Variants in NLGN1 observed in about 807,000 individuals in gnomAD.
NLGN1 encodes the protein neuroligin-1.
In NLGN1, 12 loss-of-function variants were observed where a neutral mutation model predicts 65.5. The ratio of observed to expected loss-of-function variants is 0.18; its 90% confidence interval spans 0.12 to 0.30. The LOEUF is 0.30. Ranked by LOEUF, NLGN1 falls within the 10% of genes least tolerant of loss-of-function variation. The pLI, the probability that NLGN1 is intolerant of heterozygous loss-of-function variation, is 1.00. For synonymous variants in NLGN1, 350 were observed against 359.5 expected, an observed-to-expected ratio of 0.97 and a Z score of 0.30; for missense variants, 750 against 1,007.1, an observed-to-expected ratio of 0.74 and a Z score of 3.46.
intron 4 of NLGN1, among the ~76,000 whole-genome samples, chr3:173,965,395 G>A (rs781540075): frequency 2.0e-5 from 3 of 151,798 alleles, no homozygotes; most frequent in Admixed American, 1.3e-4. Context: ...TTGGCTCACT[G>A]CAGGCTCCAC....
At chr3:174,154,773 A>G (rs930744267) in intron 4 of NLGN1, among the ~76,000 whole-genome samples, 3 of 150,566 alleles carry the variant, frequency 2.0e-5, no homozygotes, top group Admixed American at 1.3e-4. Flanking sequence ...ATTTATATAC[A>G]TGCATGTGTA....
At chr3:173,585,656 G>C (rs1007456287) in intron 2 of NLGN1, among the ~76,000 whole-genome samples, 3 of 152,196 alleles carry the variant, frequency 2.0e-5, no homozygotes, top group Non-Finnish European at 4.4e-5. Context: ...CTTTCTTCGA[G>C]TTGGAGCAGC....
At chr3:173,711,598 A>G (rs1769003086) in intron 3 of NLGN1, among the ~76,000 whole-genome samples, 1 of 152,192 alleles carries the variant, frequency 6.6e-6, no homozygotes, top group African/African-American at 2.4e-5. Context: ...GCTTGGCTCC[A>G]GTCAGCCAAG....
chr3:173,803,018 T>C (rs906166990), intron 3 of NLGN1, among the ~76,000 whole-genome samples: 2 of 151,964 alleles, frequency 1.3e-5, no homozygotes, highest in African/African-American at 4.8e-5. Flanking sequence ...AATTTTTTGC[T>C]TTTAGTAGAG....
At chr3:173,964,224 G>A (rs1714286655) in intron 4 of NLGN1, among the ~76,000 whole-genome samples, 2 of 152,170 alleles carry the variant, frequency 1.3e-5, no homozygotes, top group Non-Finnish European at 2.9e-5. Context: ...TCAACAAGAT[G>A]TCCTGGAAGG....
chr3:173,787,077 CAA>C (rs5854539), intron 3 of NLGN1, among the ~76,000 whole-genome samples: 210 of 143,186 alleles, frequency 1.5e-3, no homozygotes, highest in Non-Finnish European at 1.3e-3. Flanking sequence ...AACTCCGTCT[CAA>C]AAAAAAAAAA....
At chr3:173,666,606 A>G (rs1761732083) in intron 3 of NLGN1, among the ~76,000 whole-genome samples, 1 of 152,170 alleles carries the variant, frequency 6.6e-6, no homozygotes, top group South Asian at 2.1e-4. Flanking sequence ...CCATTCCCTA[A>G]CAGGGACTCT....
intron 1 of NLGN1, among the ~76,000 whole-genome samples, chr3:173,411,303 A>G (rs1469032562): frequency 6.6e-6 from 1 of 152,198 alleles, no homozygotes; most frequent in Non-Finnish European, 1.5e-5. Context: ...TAGGACTTAC[A>G]TTGAAAGAGT....
intron 4 of NLGN1, among the ~76,000 whole-genome samples, chr3:174,196,880 T>C (rs1016518269): frequency 2.6e-5 from 4 of 152,212 alleles, no homozygotes; most frequent in Admixed American, 2.6e-4. Context: ...ACATCAACTC[T>C]GTAAGAACCA....
chr3:173,400,355 A>C (rs1717439381), intron 1 of NLGN1, among the ~76,000 whole-genome samples: 1 of 152,150 alleles, frequency 6.6e-6, no homozygotes, highest in African/African-American at 2.4e-5. Context: ...AATGCCACTC[A>C]ATGCTTTTCA....
chr3:173,981,174 A>G (rs1343866833), intron 4 of NLGN1, among the ~76,000 whole-genome samples: 4 of 152,134 alleles, frequency 2.6e-5, no homozygotes, highest in Non-Finnish European at 5.9e-5. Flanking sequence ...TGGGAATAAG[A>G]ATAACAACAG....
chr3:174,197,071 C>CTCTA (rs10663332), intron 4 of NLGN1, among the ~76,000 whole-genome samples: 14,038 of 152,134 alleles, frequency 0.092, 1,340 homozygotes, highest in African/African-American at 0.24. Flanking sequence ...GCAAAAATAT[C>CTCTA]TCTATCTTTT....
At chr3:173,414,642 G>C (rs751225830) in intron 1 of NLGN1, among the ~76,000 whole-genome samples, 1 of 151,108 alleles carries the variant, frequency 6.6e-6, no homozygotes, top group Non-Finnish European at 1.5e-5. Context: ...TACTGAGGAA[G>C]GGATCTACAG....
At chr3:173,581,494 G>A (rs924695195) in intron 2 of NLGN1, among the ~76,000 whole-genome samples, 1 of 151,962 alleles carries the variant, frequency 6.6e-6, no homozygotes, top group African/African-American at 2.4e-5. Flanking sequence ...CAGAGGCCCT[G>A]TTACTATTTG....
intron 2 of NLGN1, among the ~76,000 whole-genome samples, chr3:173,588,503 A>G (rs986538589): frequency 5.3e-5 from 8 of 152,320 alleles, no homozygotes; most frequent in Middle Eastern, 3.4e-3. Flanking sequence ...ATAGAGAATG[A>G]CTGTCAACTC....
intron 3 of NLGN1, among the ~76,000 whole-genome samples, chr3:173,619,433 C>T (rs1263987293): frequency 6.6e-6 from 1 of 151,956 alleles, no homozygotes; most frequent in African/African-American, 2.4e-5. Flanking sequence ...TGCTGGACCC[C>T]GAAGATAAAA....
intron 4 of NLGN1, among the ~76,000 whole-genome samples, chr3:173,978,726 T>C (rs572158828): frequency 1.7e-4 from 25 of 151,280 alleles, no homozygotes; most frequent in Non-Finnish European, 2.8e-4. Flanking sequence ...CCGGGCATGG[T>C]GGCTCATACC....
At chr3:173,591,434 C>G (rs945291301) in intron 2 of NLGN1, among the ~76,000 whole-genome samples, 1 of 152,172 alleles carries the variant, frequency 6.6e-6, no homozygotes, top group Non-Finnish European at 1.5e-5. Context: ...TATTGCTGTT[C>G]GGTGCCTTAT....
At chr3:173,917,190 T>G (rs1353500189) in intron 4 of NLGN1, among the ~76,000 whole-genome samples, 1 of 152,200 alleles carries the variant, frequency 6.6e-6, no homozygotes, top group Admixed American at 6.5e-5. Context: ...TGATTTTGCT[T>G]CACTGTATGA....
Sources: gnomAD v4.1 joint callset for allele counts (sites outside exome capture counted in the v4.1 genomes callset) on GRCh38, gnomAD v4.1.1 for gene constraint, MANE v1.5 for transcripts, NCBI Gene and HGNC (gene_info 2026-07-23, HGNC 2026-07-21) for gene names.